Variants in CD86 observed in about 807,000 individuals in gnomAD.
CD86 encodes CD86 molecule.
CD86 carries 11 observed loss-of-function variants against 32.1 expected under a neutral mutation model. The ratio of observed to expected loss-of-function variants is 0.34; its 90% CI spans 0.22 to 0.57. The LOEUF (loss-of-function observed/expected upper bound fraction) is 0.57, where lower values mean the gene tolerates loss of function less well. Among genes scored for constraint, CD86 ranks in the 20% least tolerant of loss-of-function variants. The pLI, the probability that CD86 is intolerant of heterozygous loss-of-function variation, is 0.86. For synonymous variants in CD86, 137 were observed against 135.3 expected, an observed-to-expected ratio of 1.01 and a Z score of -0.09; for missense variants, 359 against 398.4, an observed-to-expected ratio of 0.90 and a Z score of 0.84.
intron 2 of CD86, among the ~76,000 whole-genome samples, chr3:122,098,826 C>T (rs954046945): frequency 2.6e-5 from 4 of 152,116 alleles, no homozygotes; most frequent in African/African-American, 9.7e-5. Context: ...ACAAATGATT[C>T]ATCTTGGTTA....
intron 1 of CD86, among the ~76,000 whole-genome samples, chr3:122,058,288 G>A (rs548428752): frequency 1.3e-5 from 2 of 152,262 alleles, no homozygotes; most frequent in African/African-American, 4.8e-5. Flanking sequence ...TGTGCTTTTG[G>A]GATGGAGGAG....
Position 122,119,790 on chromosome 3 carries a change from C to A in CD86, c.*256C>A. On this transcript the variant is annotated 3_prime_UTR_variant, in exon 7 of 7. Coordinates refer to ENST00000330540, the MANE Select transcript of CD86 (RefSeq NM_175862.5). The stretch of plus-strand genomic sequence containing the variant: ...ATGGGCCAAGCCCAGCTTAATGGCT[C>A]ATGACCTGGAAATAAAATTTAGGAC... 1 of 317,270 alleles carries A rather than the reference C, an allele frequency of 3.2e-6. No homozygotes were observed. The highest frequency in any genetic ancestry group is 6.2e-5 in the East Asian group (1 of 16,072). The allele number at this position is 317,270 out of a possible 1,614,324, so 19.7% of individuals were successfully genotyped here. A position where few individuals can be genotyped will look rare whatever the true frequency, so the allele number is the denominator to read the frequency against.
chr3:122,090,689 G>C (rs1370713935), intron 1 of CD86, among the ~76,000 whole-genome samples: 2 of 152,074 alleles, frequency 1.3e-5, no homozygotes, highest in Non-Finnish European at 2.9e-5. Flanking sequence ...CTTATTCTTT[G>C]CTTCCTTATA....
chr3:122,113,769 A>G (rs578063221), intron 5 of CD86, among the ~76,000 whole-genome samples: 4 of 152,352 alleles, frequency 2.6e-5, no homozygotes, highest in African/African-American at 9.6e-5. Flanking sequence ...ATTAAGAAAT[A>G]GCTCAAGTAA....
Position 122,091,590 on chromosome 3 carries a change from C to G in CD86, c.15-11C>G, listed in dbSNP as rs1363116590. The G allele has an allele frequency of 7.2e-6, 11 of 1,531,360 alleles. No homozygotes were observed. Among genetic ancestry groups the G allele is most frequent in the African/African-American group, 1.5e-5 (1 of 68,310 alleles). 94.9% of individuals were successfully genotyped at this position (1,531,360 alleles called of 1,614,324 possible). ...CTAATCAAGTTTTACCTTTTTTTTTCTCGACTCTAGCACTATGGGACTGAG... is the reference window on the plus strand; with the variant it reads ...CTAATCAAGTTTTACCTTTTTTTTTGTCGACTCTAGCACTATGGGACTGAG... On this transcript the variant is annotated splice_polypyrimidine_tract_variant and intron_variant, in intron 1 of 6. Coordinates refer to ENST00000330540, the MANE Select transcript of CD86 (RefSeq NM_175862.5).
chr3:122,110,679 T>A (rs532649433), intron 5 of CD86, among the ~76,000 whole-genome samples: 2 of 152,182 alleles, frequency 1.3e-5, no homozygotes, highest in Non-Finnish European at 2.9e-5. Flanking sequence ...AAACTGCCAA[T>A]GTATGGAGTG....
chr3:122,093,599 G>A (rs924484568), intron 2 of CD86, among the ~76,000 whole-genome samples: 1 of 152,166 alleles, frequency 6.6e-6, no homozygotes, highest in African/African-American at 2.4e-5. Flanking sequence ...ACATATCTAA[G>A]CATAGAAAAG....
At chr3:122,095,367 GA>G (rs1434671068) in intron 2 of CD86, among the ~76,000 whole-genome samples, 1 of 152,086 alleles carries the variant, frequency 6.6e-6, no homozygotes, top group Non-Finnish European at 1.5e-5. Context: ...TTTTGGTAGA[GA>G]CGGGGTTTCA....
At chr3:122,056,361 A>G (rs1391178702) in intron 1 of CD86, among the ~76,000 whole-genome samples, 2 of 152,088 alleles carry the variant, frequency 1.3e-5, no homozygotes, top group Non-Finnish European at 2.9e-5. Context: ...TTTGAAACAG[A>G]GTCTCGCTCT....
intron 2 of CD86, among the ~76,000 whole-genome samples, chr3:122,102,842 G>A (rs1395871167): frequency 4.8e-5 from 7 of 146,694 alleles, no homozygotes; most frequent in Non-Finnish European, 8.9e-5. Context: ...GTTCACTATC[G>A]AAGTCATTTC....
intron 1 of CD86, 132 bp from the exon 2 acceptor site, chr3:122,091,468 GC>G (rs1199528754): frequency 3.1e-5 from 22 of 714,542 alleles, no homozygotes; most frequent in Non-Finnish European, 5.3e-5. Context: ...CTTTGATGAA[GC>G]CCTGGCATTG....
At chr3:122,057,189 T>C (rs978233170) in intron 1 of CD86, among the ~76,000 whole-genome samples, 3 of 152,216 alleles carry the variant, frequency 2.0e-5, no homozygotes, top group Non-Finnish European at 4.4e-5. Context: ...AATAATCTAG[T>C]GATACATATC....
Position 122,109,293 on chromosome 3 carries a change from C to T in CD86, c.732C>T (p.Asp244=), listed in dbSNP as rs757727052. Residue 244 remains aspartate, a synonymous_variant, in exon 5 of 7, where the codon GAC becomes GAT. Coordinates refer to ENST00000330540, the MANE Select transcript of CD86 (RefSeq NM_175862.5). ...TTGAGGACCCTCAGCCTCCCCCAGA[C>T]CACATTCCTTGGATTACAGCTGTAC... ...IELEDPQPPP[D]HIPWITAVLP... The T allele has an allele frequency of 1.7e-5, 28 of 1,614,028 alleles. No individual in the cohort carries two copies. Among genetic ancestry groups the T allele is most frequent in the Non-Finnish European group, 2.4e-5 (28 of 1,179,920 alleles).
chr3:122,118,151 T>A, intron 6 of CD86, 58 bp downstream of exon 6: 2 of 1,406,334 alleles, frequency 1.4e-6, no homozygotes, highest in Admixed American at 3.4e-5. Flanking sequence ...GAGTGCCTGT[T>A]ACTTGAATAG....
intron 1 of CD86, among the ~76,000 whole-genome samples, chr3:122,061,815 A>G (rs1474972609): frequency 2.0e-5 from 3 of 152,234 alleles, no homozygotes; most frequent in Admixed American, 6.5e-5. Context: ...TGCATTTAGT[A>G]TATGACCCAG....
intron 5 of CD86, among the ~76,000 whole-genome samples, chr3:122,110,883 T>G (rs1330260315): frequency 6.6e-6 from 1 of 152,230 alleles, no homozygotes; most frequent in Admixed American, 6.5e-5. Context: ...TGCTAGATTT[T>G]TCTTCACATT....
At chr3:122,117,957 C>G (rs2107552514) in intron 5 of CD86, 91 bp from the exon 6 acceptor site, 5 of 1,011,140 alleles carry the variant, frequency 4.9e-6, no homozygotes, top group Non-Finnish European at 7.7e-6. Flanking sequence ...ATTTCTCTCT[C>G]AGTCCCAGAA....
rs774514465 is a variant in CD86 at position 122,118,028 on chromosome 3, T to C, written c.848-20T>C. Reference sequence around the variant, plus strand: ...TCTAGGAGGAATACATTTTTGAAGATTGTTCTTGGTGTCTTTCAGGAACCA... The same window carrying C: ...TCTAGGAGGAATACATTTTTGAAGACTGTTCTTGGTGTCTTTCAGGAACCA... On this transcript the variant is annotated intron_variant, in intron 5 of 6. Coordinates refer to ENST00000330540, the MANE Select transcript of CD86 (RefSeq NM_175862.5). 1 of 1,610,058 alleles carries C rather than the reference T, an allele frequency of 6.2e-7. No individual in the cohort carries two copies. Among genetic ancestry groups the C allele is most frequent in the South Asian group, 1.1e-5 (1 of 90,842 alleles).
intron 2 of CD86, among the ~76,000 whole-genome samples, chr3:122,101,521 T>TATATATATATAC (rs2073008731): frequency 4.3e-5 from 2 of 46,454 alleles, no homozygotes; most frequent in African/African-American, 1.0e-4. Context: ...AAAATATATA[T>TATATATATATAC]ATATATATAT....
Sources: allele counts gnomAD v4.1 joint callset (sites outside exome capture counted in the v4.1 genomes callset), GRCh38; gene constraint gnomAD v4.1.1; transcripts MANE v1.5; gene names NCBI Gene and HGNC (gene_info 2026-07-23, HGNC 2026-07-21).